The following XYLB variants were observed in gnomAD, a reference collection of about 807,000 sequenced individuals.
XYLB encodes the protein xylulokinase.
Under a neutral mutation model 78.7 loss-of-function variants are expected in XYLB, and 62 were observed. The observed-to-expected ratio is 0.79, with a 90% CI of 0.64 to 0.97. The LOEUF (loss-of-function observed/expected upper bound fraction) is 0.97. Among genes scored for constraint, XYLB ranks in the 50% least tolerant of loss-of-function variants. XYLB has a pLI of 0.00. For missense variants in XYLB, 687 were observed against 676.8 expected (o/e 1.02, Z -0.17); for synonymous variants, 245 against 247.4 (o/e 0.99, Z 0.09).
rs909390058 is a variant in XYLB at position 38,365,817 on chromosome 3, G to A, written c.507+81G>A. The A allele has an allele frequency of 1.0e-5, 15 of 1,486,420 alleles. No individual in the cohort carries two copies. In the African/African-American group the frequency reaches 1.7e-4, roughly 17 times the overall value. The allele number at this position is 1,486,420 out of a possible 1,614,324, so 92.1% of individuals were successfully genotyped here. ...ATAGTGGGTGACCTGCCTCTGGGGG[G>A]ATCACATGAGGTCATGGAGGTGTTG... On this transcript the variant is annotated intron_variant, in intron 6 of 18. Coordinates refer to ENST00000207870, the MANE Select transcript of XYLB (RefSeq NM_005108.4).
chr3:38,392,259 A>G (rs1030865991), intron 15 of XYLB, among the ~76,000 whole-genome samples: 1 of 152,130 alleles, frequency 6.6e-6, no homozygotes, highest in African/African-American at 2.4e-5. Context: ...CTGGTATCTC[A>G]GTGTTAGTTT....
chr3:38,413,902 A>T lies in XYLB; in HGVS notation c.*889A>T, dbSNP rs1020664067. The T allele has an allele frequency of 2.0e-5, 3 of 152,026 alleles. No individual in the cohort carries two copies. The highest frequency in any genetic ancestry group is 4.4e-5 in the Non-Finnish European group (3 of 68,004). 9.4% of individuals were successfully genotyped at this position (152,026 alleles called of 1,614,324 possible). ...TCTGGAAGAATTTCCAAAATTCTGGATTTCTTTTTTATTTTGGAGTATTTC... is the reference window on the plus strand; with the variant it reads ...TCTGGAAGAATTTCCAAAATTCTGGTTTTCTTTTTTATTTTGGAGTATTTC... On this transcript the variant is annotated 3_prime_UTR_variant, in exon 19 of 19. Coordinates refer to ENST00000207870, the MANE Select transcript of XYLB (RefSeq NM_005108.4).
At chr3:38,395,632 G>A (rs1458131178) in intron 16 of XYLB, 69 bp downstream of exon 16, 1 of 1,523,704 alleles carries the variant, frequency 6.6e-7, no homozygotes, top group Non-Finnish European at 9.1e-7. Context: ...GCCAGAGACT[G>A]GATAGGAAGG....
the XYLB span, among the ~76,000 whole-genome samples, chr3:38,438,128 C>A: frequency 1.3e-5 from 2 of 152,236 alleles, no homozygotes; most frequent in East Asian, 1.9e-4. Flanking sequence ...TACTCAGAGG[C>A]TGAGGCAGAA....
At chr3:38,366,711 T>G in intron 6 of XYLB, 97 bp from the exon 7 acceptor site, 1 of 828,994 alleles carries the variant, frequency 1.2e-6, no homozygotes, top group Non-Finnish European at 2.0e-6. Flanking sequence ...TGGTACCTAC[T>G]CCTATCCAGA....
In XYLB at chr3:38,348,594, G is replaced by A. The variant is rs56698937; in HGVS notation, c.102G>A (p.Glu34=). ...AVDAELNVFY[E]ESVHFDRDLP... ...ATGCAGAGTTGAATGTCTTCTATGA[G>A]GAAAGTGTGCATTTTGACAGAGATC... The change falls in exon 2 of 19, where the codon GAG becomes GAA. Residue 34 remains glutamate (E), a synonymous_variant. Coordinates refer to ENST00000207870, the MANE Select transcript of XYLB (RefSeq NM_005108.4). The A allele has an allele frequency of 1.2e-6, 2 of 1,614,154 alleles. No individual in the cohort carries two copies. Among genetic ancestry groups the A allele is most frequent in the Admixed American group, 1.7e-5 (1 of 60,030 alleles).
In XYLB at chr3:38,360,394, C is replaced by A; in HGVS notation, c.196C>A (p.Leu66Ile). The change falls in exon 3 of 19, where the codon CTA (leucine) becomes ATA (isoleucine). Residue 66 changes from leucine (L) to isoleucine (I), a missense_variant. By Grantham distance (5) the Leu-to-Ile change is conservative (BLOSUM62 2). Transcript: ENST00000207870. ...KDGLTVTSPV[L>I]MWVQALDIIL... ...TGGGCTGACGGTCACTTCTCCAGTACTAATGTGGGTCCAGGTAAGCGCAGG... is the reference window on the plus strand; with the variant it reads ...TGGGCTGACGGTCACTTCTCCAGTAATAATGTGGGTCCAGGTAAGCGCAGG... The A allele has an allele frequency of 6.2e-7, 1 of 1,607,956 alleles. No individual in the cohort carries two copies.
At chr3:38,432,209 C>T in the XYLB span, among the ~76,000 whole-genome samples, 1 of 152,182 alleles carries the variant, frequency 6.6e-6, no homozygotes, top group African/African-American at 2.4e-5. Context: ...CCCAGAAGTC[C>T]AGGTCCAAAG....
At chr3:38,432,073 G>C in the XYLB span, among the ~76,000 whole-genome samples, 1 of 151,852 alleles carries the variant, frequency 6.6e-6, no homozygotes, top group African/African-American at 2.4e-5. Flanking sequence ...TGCAAGATTT[G>C]GGTGGCGTCA....
exon 18 of XYLB, among the ~76,000 whole-genome samples, chr3:38,420,620 A>G (rs987143045): frequency 6.6e-6 from 1 of 152,220 alleles, no homozygotes; most frequent in East Asian, 1.9e-4. Context: ...TTCTTTGTGG[A>G]ACTTTTAAGT....
intron 2 of XYLB, chr3:38,356,329 A>C (rs539941081): frequency 2.5e-4 from 38 of 153,008 alleles, no homozygotes; most frequent in Non-Finnish European, 4.2e-4. Flanking sequence ...ACCTTTTAAA[A>C]TGTACAATTT....
intron 15 of XYLB, among the ~76,000 whole-genome samples, chr3:38,387,431 C>T (rs1432810467): frequency 1.3e-5 from 2 of 151,992 alleles, no homozygotes; most frequent in African/African-American, 4.8e-5. Context: ...AGTGCAGTGG[C>T]ATGATCTCGG....
chr3:38,370,928 G>A lies in XYLB; in HGVS notation c.765+754G>A, dbSNP rs115142647. Among the ~76,000 whole-genome samples, 694 of 152,218 alleles carry A rather than the reference G, an allele frequency of 4.6e-3. 5 individuals are homozygous for A. Among genetic ancestry groups the A allele is most frequent in the African/African-American group, 0.016 (653 of 41,532 alleles). On this transcript the variant is annotated intron_variant, in intron 9 of 18. Coordinates refer to ENST00000207870, the MANE Select transcript of XYLB (RefSeq NM_005108.4). ...GGTGCTGCCCCTGGGGCCCTTTGGT[G>A]GGAAATGCTTACCACAGAGCCAGAA...
the XYLB span, among the ~76,000 whole-genome samples, chr3:38,444,973 C>G: frequency 6.6e-6 from 1 of 152,098 alleles, no homozygotes; most frequent in Non-Finnish European, 1.5e-5. Context: ...AAAACCTGCA[C>G]CCTTGCCTTC....
At chr3:38,420,231 A>G (rs1028301874) in exon 18 of XYLB, among the ~76,000 whole-genome samples, 1 of 152,236 alleles carries the variant, frequency 6.6e-6, no homozygotes. Flanking sequence ...CCATCATGTC[A>G]TGTCATCTAT....
chr3:38,423,473 C>T (rs1193583667), downstream of XYLB, among the ~76,000 whole-genome samples: 2 of 152,218 alleles, frequency 1.3e-5, no homozygotes, highest in East Asian at 1.9e-4. Flanking sequence ...GCAGCCTGGA[C>T]TGCCTTCTGC....
intron 18 of XYLB, among the ~76,000 whole-genome samples, chr3:38,410,347 C>T (rs1376123538): frequency 6.6e-6 from 1 of 152,180 alleles, no homozygotes. Flanking sequence ...AAAGCTGAAA[C>T]TGGATCCCTT....
chr3:38,360,945 G>T (rs1705935370), intron 3 of XYLB, among the ~76,000 whole-genome samples: 1 of 152,170 alleles, frequency 6.6e-6, no homozygotes, highest in Non-Finnish European at 1.5e-5. Context: ...TGAGGTAGGA[G>T]AATCACTTGA....
chr3:38,374,589 C>T (rs1047598530), intron 11 of XYLB, 87 bp downstream of exon 11: 11 of 1,573,052 alleles, frequency 7.0e-6, no homozygotes, highest in African/African-American at 2.7e-5. Flanking sequence ...CTGCTGAGAC[C>T]CAGATCCCAG....
Sources: allele counts gnomAD v4.1 joint callset (sites outside exome capture counted in the v4.1 genomes callset), GRCh38; gene constraint gnomAD v4.1.1; transcripts MANE v1.5; gene names NCBI Gene and HGNC (gene_info 2026-07-23, HGNC 2026-07-21).